AKAP8: variants seen among roughly 807,000 people sequenced by gnomAD.
AKAP8 encodes the protein A-kinase anchor protein 8.
AKAP8 carries 24 observed loss-of-function variants against 67.5 expected under a neutral mutation model. The observed-to-expected ratio is 0.36, with a 90% CI of 0.26 to 0.50. The LOEUF (loss-of-function observed/expected upper bound fraction) is 0.50. AKAP8 is among the 20% of genes least tolerant of loss of function. The pLI is 0.97. For synonymous variants in AKAP8, 400 were observed against 371.1 expected, an observed-to-expected ratio of 1.08 and a Z score of -0.90; for missense variants, 971 against 955.9, an observed-to-expected ratio of 1.02 and a Z score of -0.21.
chr19:15,355,439 G>A, intron 13 of AKAP8, 69 bp from the exon 14 acceptor site: 3 of 1,446,312 alleles, frequency 2.1e-6, no homozygotes, highest in Non-Finnish European at 2.8e-6. Context: ...TTGCGGGGAT[G>A]TCAGCTTTTC....
chr19:15,373,754 G>A (rs368790177), intron 4 of AKAP8, 32 bp downstream of exon 4: 1 of 1,581,330 alleles, frequency 6.3e-7, no homozygotes. Context: ...GGATGTGTGG[G>A]GTCCCGGGGG....
chr19:15,360,720 G>T, intron 12 of AKAP8, 128 bp downstream of exon 12: 1 of 1,187,478 alleles, frequency 8.4e-7, no homozygotes, highest in Non-Finnish European at 1.1e-6. Context: ...ACGACCCATC[G>T]ATGGAAGTGA....
At chr19:15,360,408 G>C (rs557998911) in intron 12 of AKAP8, among the ~76,000 whole-genome samples, 2 of 152,200 alleles carry the variant, frequency 1.3e-5, no homozygotes, top group Non-Finnish European at 2.9e-5. Context: ...AAATACTCAT[G>C]ATCTGACTCT....
At chr19:15,376,111 G>A (rs922282078) in intron 2 of AKAP8, among the ~76,000 whole-genome samples, 8 of 152,026 alleles carry the variant, frequency 5.3e-5, no homozygotes, top group Admixed American at 2.0e-4. Flanking sequence ...TCATTAGTTG[G>A]ATAAAAGGAT....
chr19:15,361,841 G>C lies in AKAP8; in HGVS notation c.1303-19C>G, dbSNP rs1217795698. 1.2e-6 allele frequency: 2 copies of C among 1,601,702 alleles called. No individual in the cohort carries two copies. The highest frequency in any genetic ancestry group is 8.6e-7 in the Non-Finnish European group (1 of 1,168,968). On this transcript the variant is annotated intron_variant, in intron 10 of 13. Coordinates refer to ENST00000269701, the MANE Select transcript of AKAP8 (RefSeq NM_005858.4). The stretch of plus-strand genomic sequence containing the variant: ...TGTATTCCTAGGTGGGATTGGAGAG[G>C]GCATAAAGTAAAATGAGAGGTGGGC...
At chr19:15,370,625 CTTTTTTTTTT>C (rs71176407) in intron 7 of AKAP8, among the ~76,000 whole-genome samples, 46 of 80,970 alleles carry the variant, frequency 5.7e-4, no homozygotes, top group Non-Finnish European at 7.9e-4. Flanking sequence ...TACCCAATGT[CTTTTTTTTTT>C]TTTTTTTTTT....
At chr19:15,374,259 C>T (rs1967213196) in intron 3 of AKAP8, among the ~76,000 whole-genome samples, 194 bp from the exon 4 acceptor site, 2 of 152,228 alleles carry the variant, frequency 1.3e-5, no homozygotes, top group Admixed American at 1.3e-4. Context: ...GGGGCAGCCT[C>T]AGTGCCGAGC....
rs990297126 is a variant in AKAP8 at position 15,361,499 on chromosome 19, C to T, written c.1396+230G>A. 24 of 413,670 alleles carry T rather than the reference C, an allele frequency of 5.8e-5. No individual in the cohort carries two copies. The Admixed American group carries it at 6.5e-4, about 11-fold the overall frequency. The allele number at this position is 413,670 out of a possible 1,614,324, so 25.6% of individuals were successfully genotyped here. On this transcript the variant is annotated intron_variant, in intron 11 of 13. Coordinates refer to ENST00000269701, the MANE Select transcript of AKAP8 (RefSeq NM_005858.4). ...CCAAGTAGCTGGGACTACAGGTGCC[C>T]GCCACCACGCCCGGCTAATTTTTTG...
intron 9 of AKAP8, among the ~76,000 whole-genome samples, chr19:15,366,049 A>G (rs1019870585): frequency 6.7e-6 from 1 of 150,336 alleles, no homozygotes; most frequent in Non-Finnish European, 1.5e-5. Context: ...AAAAAAAGAA[A>G]AAGATCCTCA....
In AKAP8 at chr19:15,373,048, T is replaced by G. The variant is rs765428584; in HGVS notation, c.664A>C (p.Thr222Pro). Residue 222 changes from threonine to proline, a missense_variant, in exon 5 of 14, where the codon ACG becomes CCG. Transcript: ENST00000269701. ...PPAASSEPLS[T>P]PWNELNYVGG... is the part of the protein sequence containing the mutation. ...ACGTAGTTCAGCTCGTTCCAGGGCGTGGACAGGGGCTCAGAGGACGCAGCG... is the reference window on the plus strand; with the variant it reads ...ACGTAGTTCAGCTCGTTCCAGGGCGGGGACAGGGGCTCAGAGGACGCAGCG... The G allele has an allele frequency of 2.5e-6, 4 of 1,602,874 alleles. No homozygotes were observed. In the Admixed American group the frequency reaches 5.1e-5, roughly 20 times the overall value.
chr19:15,379,601 C>G, intron 1 of AKAP8, 112 bp downstream of exon 1: 1 of 1,322,408 alleles, frequency 7.6e-7, no homozygotes, highest in South Asian at 1.4e-5. Flanking sequence ...GAGGGCCCAG[C>G]TGGGGCAACC....
chr19:15,376,077 G>A (rs557956870), intron 2 of AKAP8, among the ~76,000 whole-genome samples: 7 of 152,096 alleles, frequency 4.6e-5, no homozygotes, highest in East Asian at 1.9e-4. Context: ...CTACAGGCAC[G>A]CACTGCCACG....
At chr19:15,357,555 T>C (rs1249215624) in intron 13 of AKAP8, among the ~76,000 whole-genome samples, 1 of 150,456 alleles carries the variant, frequency 6.6e-6, no homozygotes, top group Non-Finnish European at 1.5e-5. Context: ...CTGCAGAGAA[T>C]CTCTGCAGGA....
At chr19:15,367,599 T>C (rs1385482714) in intron 9 of AKAP8, among the ~76,000 whole-genome samples, 1 of 152,218 alleles carries the variant, frequency 6.6e-6, no homozygotes, top group Admixed American at 6.5e-5. Context: ...CAGCATCACA[T>C]GATCACTGGT....
rs1439673713 is a variant in AKAP8 at position 15,353,769 on chromosome 19, C to T, written c.*1146G>A. ...GTTCAAAAGGCCACAGGGAAACTGA[C>T]ACAGCAGGGCCATTTCAAAAGGGGA... is the stretch of plus-strand genomic sequence containing the variant. On this transcript the variant is annotated 3_prime_UTR_variant, in exon 14 of 14. Transcript: ENST00000269701. 6 of 152,106 alleles carry T rather than the reference C, an allele frequency of 3.9e-5. No individual in the cohort carries two copies. The highest frequency in any genetic ancestry group is 1.4e-4 in the African/African-American group (6 of 41,432). 9.4% of individuals were successfully genotyped at this position (152,106 alleles called of 1,614,324 possible).
chr19:15,357,514 GGGA>G (rs1170359464), intron 13 of AKAP8, among the ~76,000 whole-genome samples: 3 of 151,294 alleles, frequency 2.0e-5, no homozygotes, highest in Admixed American at 6.6e-5. Flanking sequence ...AGGCTGAGTG[GGGA>G]GGATCTCTTG....
In AKAP8 at chr19:15,355,331, T is replaced by C. The variant is rs950117605; in HGVS notation, c.1663A>G (p.Met555Val). The C allele has an allele frequency of 1.9e-6, 3 of 1,613,760 alleles. No homozygotes were observed. Among genetic ancestry groups the C allele is most frequent in the Non-Finnish European group, 1.7e-6 (2 of 1,180,002 alleles). ...PFTSETVDPE[M>V]EGDDNLGGED... ...CCTCCTAAATTGTCATCTCCTTCCATTTCTGGATCAACAGTTTCACTGGTG... is the reference window on the plus strand; with the variant it reads ...CCTCCTAAATTGTCATCTCCTTCCACTTCTGGATCAACAGTTTCACTGGTG... Residue 555 changes from methionine (M) to valine (V), a missense_variant, in exon 14 of 14, where the codon ATG becomes GTG. Met to Val is a conservative substitution (Grantham distance 21). Around this residue, in one of 3 missense-constraint regions of AKAP8, gnomAD observed 204 missense variants for 193.0 expected, o/e 1.06. Coordinates refer to ENST00000269701, the MANE Select transcript of AKAP8 (RefSeq NM_005858.4).
At chr19:15,378,431 G>T (rs1967295182) in intron 1 of AKAP8, among the ~76,000 whole-genome samples, 1 of 152,084 alleles carries the variant, frequency 6.6e-6, no homozygotes, top group African/African-American at 2.4e-5. Flanking sequence ...TCGGCAGGTA[G>T]GAAGAGGGGG....
intron 13 of AKAP8, among the ~76,000 whole-genome samples, chr19:15,356,274 G>A (rs1372459359): frequency 1.3e-5 from 2 of 151,758 alleles, no homozygotes; most frequent in East Asian, 2.0e-4. Context: ...GCATGGTGGC[G>A]AGCGCCTGTA....
Sources: gnomAD v4.1 joint callset for allele counts (sites outside exome capture counted in the v4.1 genomes callset) on GRCh38, gnomAD v4.1.1 for gene constraint, gnomAD v4.1.1 regional missense constraint, MANE v1.5 for transcripts, NCBI Gene and HGNC (gene_info 2026-07-23, HGNC 2026-07-21) for gene names.